Variants in ETS1 observed in about 807,000 individuals in gnomAD.
ETS1 encodes the protein ETS proto-oncogene 1, transcription factor, also known as protein C-ets-1.
In ETS1, 15 loss-of-function variants were observed where a neutral mutation model predicts 58.6. The ratio of observed to expected loss-of-function variants is 0.26; its 90% CI spans 0.17 to 0.39. ETS1 has a LOEUF of 0.39. Ranked by LOEUF, ETS1 falls within the 10% of genes least tolerant of loss-of-function variation. The pLI is 1.00. For synonymous variants in ETS1, 214 were observed against 218.2 expected (o/e 0.98, Z 0.17); for missense variants, 417 against 610.5 (o/e 0.68, Z 3.34).
At chr11:128,533,258 C>T (rs1863926715) in intron 3 of ETS1, among the ~76,000 whole-genome samples, 1 of 152,180 alleles carries the variant, frequency 6.6e-6, no homozygotes, top group Non-Finnish European at 1.5e-5. Flanking sequence ...TTCCCCACAT[C>T]GCAATACACA....
At chr11:128,498,746 T>C (rs1363006035) in intron 3 of ETS1, among the ~76,000 whole-genome samples, 3 of 152,204 alleles carry the variant, frequency 2.0e-5, no homozygotes, top group African/African-American at 4.8e-5. Flanking sequence ...GTTTTAGCTA[T>C]TGAGATTATG....
At chr11:128,491,158 G>A (rs183983871) in intron 3 of ETS1, among the ~76,000 whole-genome samples, 1 of 151,980 alleles carries the variant, frequency 6.6e-6, no homozygotes, top group East Asian at 1.9e-4. Context: ...CACATTTACC[G>A]AGAATATTAA....
intron 1 of ETS1, among the ~76,000 whole-genome samples, chr11:128,581,197 T>C (rs1030805700): frequency 2.0e-5 from 3 of 152,206 alleles, no homozygotes; most frequent in African/African-American, 7.2e-5. Context: ...AAGGTCTTGC[T>C]TCTCCTAGGC....
intron 3 of ETS1, among the ~76,000 whole-genome samples, chr11:128,515,574 G>A (rs147886793): frequency 2.0e-3 from 301 of 152,280 alleles, no homozygotes; most frequent in Middle Eastern, 0.01. Context: ...TAGAAAGTAC[G>A]ATTGACCAAA....
In ETS1 at chr11:128,464,726, G is replaced by C. The variant is rs1239117262; in HGVS notation, c.1124-1099C>G. ...AATTTTTCACCGGAGTTGCAAATTT[G>C]TCTGATCCAAAGTAAACTGAGATTT... On this transcript the variant is annotated intron_variant, in intron 8 of 9. Coordinates refer to ENST00000392668, the MANE Select transcript of ETS1 (RefSeq NM_001143820.2). This position sits in a 1 kb window ranked among gnomAD's most constrained non-coding sequence, Gnocchi z 4.1. Among the ~76,000 whole-genome samples the C allele has an allele frequency of 1.3e-5, 2 of 152,136 alleles. No individual in the cohort carries two copies. The highest frequency in any genetic ancestry group is 2.9e-5 in the Non-Finnish European group (2 of 68,000).
intron 3 of ETS1, among the ~76,000 whole-genome samples, chr11:128,553,486 T>C (rs934882541): frequency 2.0e-5 from 3 of 152,100 alleles, no homozygotes; most frequent in Non-Finnish European, 4.4e-5. Flanking sequence ...TTCCCTACCA[T>C]GCTACTAATA....
intron 3 of ETS1, among the ~76,000 whole-genome samples, chr11:128,492,062 A>G (rs1189496734): frequency 1.3e-5 from 2 of 152,214 alleles, no homozygotes; most frequent in South Asian, 2.1e-4. Context: ...AATCCCTACT[A>G]GCTTTCCTGT....
intron 3 of ETS1, among the ~76,000 whole-genome samples, chr11:128,500,840 G>T (rs1395285055): frequency 6.6e-6 from 1 of 152,180 alleles, no homozygotes; most frequent in Non-Finnish European, 1.5e-5. Context: ...GAGTGGTCAT[G>T]AGGGGCAGGG....
intron 8 of ETS1, among the ~76,000 whole-genome samples, chr11:128,470,118 G>A (rs1365615569): frequency 2.0e-5 from 3 of 152,214 alleles, no homozygotes; most frequent in African/African-American, 7.2e-5. Context: ...TTGTTGCTGA[G>A]ATAGCCAGTA....
intron 2 of ETS1, among the ~76,000 whole-genome samples, chr11:128,558,255 G>A (rs981144338): frequency 1.3e-5 from 2 of 152,214 alleles, no homozygotes; most frequent in African/African-American, 4.8e-5. Context: ...GATGAGCACT[G>A]TGAAAATGTA....
At chr11:128,530,800 T>C (rs1863885233) in intron 3 of ETS1, among the ~76,000 whole-genome samples, 1 of 152,138 alleles carries the variant, frequency 6.6e-6, no homozygotes, top group Non-Finnish European at 1.5e-5. Flanking sequence ...GTTGAGAATT[T>C]CTAAAAATCA....
intron 3 of ETS1, among the ~76,000 whole-genome samples, chr11:128,501,451 A>T (rs1403284872): frequency 6.6e-6 from 1 of 152,214 alleles, no homozygotes; most frequent in Non-Finnish European, 1.5e-5. Flanking sequence ...ACTTCACAAC[A>T]GGGCTTCACA....
At chr11:128,524,350 T>A (rs1863759481) in intron 3 of ETS1, among the ~76,000 whole-genome samples, 1 of 152,152 alleles carries the variant, frequency 6.6e-6, no homozygotes, top group African/African-American at 2.4e-5. Flanking sequence ...AATGTCCAAA[T>A]CAAGGAATAG....
rs1864647051 is a variant in ETS1 at position 128,572,051 on chromosome 11, T to C, written c.69+1011A>G. On this transcript the variant is annotated intron_variant, in intron 2 of 9. Coordinates refer to ENST00000392668, the MANE Select transcript of ETS1 (RefSeq NM_001143820.2). ...AGAGCGAGACCATCTCAAAGAAAGA[T>C]CACTTGAGGTCATGAGTTCGAGACC... The C allele has an allele frequency of 2.7e-5, 4 of 147,512 alleles. No homozygotes were observed. In the South Asian group the frequency reaches 8.6e-4, roughly 32 times the overall value. The allele number at this position is 147,512 out of a possible 1,614,324, so 9.1% of individuals were successfully genotyped here. A position where few individuals can be genotyped will look rare whatever the true frequency, so the allele number is the denominator to read the frequency against.
At chr11:128,468,686 C>T (rs1434418908) in intron 8 of ETS1, among the ~76,000 whole-genome samples, 4 of 152,138 alleles carry the variant, frequency 2.6e-5, no homozygotes, top group Non-Finnish European at 5.9e-5. Flanking sequence ...GCAGTCTCCT[C>T]ATATTTCCAT....
chr11:128,502,755 T>C (rs1337054216), intron 3 of ETS1, among the ~76,000 whole-genome samples: 1 of 152,204 alleles, frequency 6.6e-6, no homozygotes, highest in Non-Finnish European at 1.5e-5. Context: ...TTAATCCTCC[T>C]ACAGCCTTAC....
rs11330599 is a variant in ETS1, at chr11:128,504,801, AT to A, written c.215-14226del. 7.5e-3 allele frequency among the ~76,000 whole-genome samples: 1,137 copies of A among 152,276 alleles called. 13 individuals are homozygous for A. Among genetic ancestry groups the A allele is most frequent in the African/African-American group, 0.024 (1,007 of 41,552 alleles). ...ATCAAGTCCTGGTTCATCATTCTGG[AT>A]AAACACTACTCCTCCCCAAGTTATT... On this transcript the variant is annotated intron_variant, in intron 3 of 9. Coordinates refer to ENST00000392668, the MANE Select transcript of ETS1 (RefSeq NM_001143820.2).
At chr11:128,541,707 C>T (rs966131401) in intron 3 of ETS1, among the ~76,000 whole-genome samples, 1 of 152,214 alleles carries the variant, frequency 6.6e-6, no homozygotes, top group Non-Finnish European at 1.5e-5. Flanking sequence ...TGGTTTGATT[C>T]TCCACAGACC....
intron 3 of ETS1, among the ~76,000 whole-genome samples, chr11:128,537,693 T>C (rs1863992108): frequency 6.6e-6 from 1 of 152,110 alleles, no homozygotes; most frequent in Admixed American, 6.5e-5. Flanking sequence ...AACATATATT[T>C]CTAATTGTGC....
Sources: gnomAD v4.1 joint callset for allele counts (sites outside exome capture counted in the v4.1 genomes callset) on GRCh38, gnomAD v4.1.1 for gene constraint, Gnocchi (gnomAD v3.1) non-coding constraint, MANE v1.5 for transcripts, NCBI Gene and HGNC (gene_info 2026-07-23, HGNC 2026-07-21) for gene names.